Variants in CLCA4 observed in about 807,000 individuals in gnomAD.
The protein encoded by CLCA4 is calcium-activated chloride channel regulator 4.
In CLCA4, 69 loss-of-function variants were observed where a neutral mutation model predicts 78.9. That is an observed-to-expected ratio of 0.87 (90% CI 0.72 to 1.07). The LOEUF (loss-of-function observed/expected upper bound fraction) is 1.07. Among genes scored for constraint, CLCA4 ranks in the 50% least tolerant of loss-of-function variants. The pLI is 0.00. For missense variants in CLCA4, 1,133 were observed against 1,095.8 expected, an observed-to-expected ratio of 1.03 and a Z score of -0.48; for synonymous variants, 362 against 375.8, an observed-to-expected ratio of 0.96 and a Z score of 0.42.
rs536540683 is a variant in CLCA4 at position 86,548,739 on chromosome 1, A to G, written c.159+1461A>G. Among the ~76,000 whole-genome samples, 10 of 151,888 alleles carry G rather than the reference A, an allele frequency of 6.6e-5. No homozygotes were observed. The East Asian group carries it at 1.7e-3, about 26-fold the overall frequency. On this transcript the variant is annotated intron_variant, in intron 1 of 13. Transcript: ENST00000370563. ...GATGTCTTCTGTTTGAATTATGGAGAAGAAAACAAAGTTAATAGTTAATAA... is the reference window on the plus strand; with the variant it reads ...GATGTCTTCTGTTTGAATTATGGAGGAGAAAACAAAGTTAATAGTTAATAA...
Position 86,566,002 on chromosome 1 carries a change from T to C in CLCA4, c.936T>C (p.Asp312=). The part of the protein sequence containing the change: ...ISQRIVCLVL[D]KSGSMGGKDR... ...AAAGAATTGTGTGCTTAGTTCTTGA[T>C]AAGTCTGGAAGCATGGGGGTAAGAT... The change falls in exon 6 of 14, where the codon GAT becomes GAC. Residue 312 remains aspartate, a synonymous_variant. Transcript: ENST00000370563. 1 of 1,612,678 alleles carries C rather than the reference T, an allele frequency of 6.2e-7. No individual in the cohort carries two copies. The highest frequency in any genetic ancestry group is 8.5e-7 in the Non-Finnish European group (1 of 1,178,966).
intron 1 of CLCA4, chr1:86,553,240 G>A (rs1649718520): frequency 1.0e-6 from 1 of 998,806 alleles, no homozygotes; most frequent in Non-Finnish European, 1.6e-6. Flanking sequence ...AAGAGGGACT[G>A]CCGCTGCAAG....
At chr1:86,574,419 C>A in intron 9 of CLCA4, 121 bp from the exon 10 acceptor site, 3 of 689,752 alleles carry the variant, frequency 4.3e-6, no homozygotes, top group Non-Finnish European at 7.4e-6. Flanking sequence ...AGAGAGATCA[C>A]AAGTCTAAGG....
At chr1:86,564,103 G>A (rs1392720832) in intron 4 of CLCA4, among the ~76,000 whole-genome samples, 1 of 152,088 alleles carries the variant, frequency 6.6e-6, no homozygotes, top group Admixed American at 6.6e-5. Flanking sequence ...CACAAACATG[G>A]TTAAGTAGTG....
Position 86,560,247 on chromosome 1 carries a change from A to G in CLCA4, c.337A>G (p.Arg113Gly). Reference protein sequence around the residue: ...VIVAPPTLPGRDEPYTKQFTE... With the variant: ...VIVAPPTLPGGDEPYTKQFTE... Reference sequence around the variant, plus strand: ...AGTTGCACCACCTACACTCCCAGGTAGAGATGAACCATACACCAAGCAGTT... The same window carrying G: ...AGTTGCACCACCTACACTCCCAGGTGGAGATGAACCATACACCAAGCAGTT... The change falls in exon 3 of 14, where the codon AGA (arginine) becomes GGA (glycine). Residue 113 changes from arginine to glycine, a missense_variant. By Grantham distance (125) the Arg-to-Gly change is moderately radical. Transcript: ENST00000370563. 1 of 1,614,008 alleles carries G rather than the reference A, an allele frequency of 6.2e-7. No individual in the cohort carries two copies. The highest frequency in any genetic ancestry group is 1.7e-5 in the Admixed American group (1 of 60,010).
At chr1:86,577,610 T>C (rs960356708) in intron 11 of CLCA4, among the ~76,000 whole-genome samples, 4 of 152,096 alleles carry the variant, frequency 2.6e-5, no homozygotes, top group Admixed American at 1.3e-4. Context: ...TAATATTCTG[T>C]ATATGAATTA....
intron 4 of CLCA4, 55 bp downstream of exon 4, chr1:86,563,824 T>C: frequency 1.0e-6 from 1 of 955,386 alleles, no homozygotes; most frequent in Non-Finnish European, 1.6e-6. Flanking sequence ...ATTCTTATTT[T>C]CCTACTTTGA....
intron 1 of CLCA4, chr1:86,553,016 G>T: frequency 1.6e-6 from 1 of 624,062 alleles, no homozygotes; most frequent in Non-Finnish European, 2.9e-6. Flanking sequence ...GAGGCAGGAC[G>T]TGCCCCCTCC....
chr1:86,563,693 C>T lies in CLCA4; in HGVS notation c.481C>T (p.Arg161Trp), dbSNP rs977989033. ...GTTTGTCCATGAGTGGGCTCACCTC[C>T]GGTGGGGAGTGTTTGATGAGTACAA... Reference protein sequence around the residue: ...KLFVHEWAHLRWGVFDEYNED... With the variant: ...KLFVHEWAHLWWGVFDEYNED... The change falls in exon 4 of 14, where the codon CGG (arginine) becomes TGG (tryptophan). Residue 161 changes from arginine (R) to tryptophan (W), a missense_variant. Arg to Trp is a moderately radical substitution (Grantham distance 101). Coordinates refer to ENST00000370563, the MANE Select transcript of CLCA4 (RefSeq NM_012128.4). The T allele has an allele frequency of 8.7e-6, 14 of 1,600,502 alleles. No homozygotes were observed. In the East Asian group the frequency reaches 9.0e-5, roughly 10 times the overall value.
intron 3 of CLCA4, 150 bp downstream of exon 3, chr1:86,560,508 C>T (rs1649985992): frequency 2.8e-6 from 2 of 723,498 alleles, no homozygotes; most frequent in South Asian, 2.1e-5. Context: ...AACAAGTGAC[C>T]TACTGTCTCT....
At chr1:86,561,228 T>C (rs1158606994) in intron 3 of CLCA4, among the ~76,000 whole-genome samples, 1 of 152,222 alleles carries the variant, frequency 6.6e-6, no homozygotes, top group African/African-American at 2.4e-5. Context: ...CACGTTTGTT[T>C]TCCTTGGCAC....
chr1:86,569,767 C>T (rs1460419414), intron 7 of CLCA4, among the ~76,000 whole-genome samples: 1 of 151,930 alleles, frequency 6.6e-6, no homozygotes, highest in Non-Finnish European at 1.5e-5. Flanking sequence ...TCTCCTCAGT[C>T]TCTGACACAA....
chr1:86,566,151 A>G, intron 6 of CLCA4, 131 bp downstream of exon 6: 1 of 596,016 alleles, frequency 1.7e-6, no homozygotes, highest in Non-Finnish European at 2.7e-6. Context: ...CATGATCATG[A>G]CTTCAAGATA....
chr1:86,579,404 A>G lies in CLCA4; in HGVS notation c.2173A>G (p.Thr725Ala). 1 of 1,613,306 alleles carries G rather than the reference A, an allele frequency of 6.2e-7. No individual in the cohort carries two copies. Among genetic ancestry groups the G allele is most frequent in the Admixed American group, 1.7e-5 (1 of 59,910 alleles). The change falls in exon 13 of 14, where the codon ACC becomes GCC. Residue 725 changes from threonine (T) to alanine (A), a missense_variant. Transcript: ENST00000370563. Reference sequence around the variant, plus strand: ...ACCTGAAATTGATGAGGATACTCAGACCACCTTGGAGGATTTCAGCCGAAC... The same window carrying G: ...ACCTGAAATTGATGAGGATACTCAGGCCACCTTGGAGGATTTCAGCCGAAC... The part of the protein sequence containing the change: ...PRPEIDEDTQ[T>A]TLEDFSRTAS...
intron 9 of CLCA4, 115 bp from the exon 10 acceptor site, chr1:86,574,425 T>A: frequency 1.4e-6 from 1 of 726,768 alleles, no homozygotes; most frequent in Non-Finnish European, 2.3e-6. Flanking sequence ...ATCACAAGTC[T>A]AAGGTGGTCT....
intron 11 of CLCA4, among the ~76,000 whole-genome samples, chr1:86,576,651 C>A (rs928952418): frequency 6.6e-6 from 1 of 152,006 alleles, no homozygotes; most frequent in East Asian, 1.9e-4. Flanking sequence ...GAGCTTGGGT[C>A]TCTGGCAGGA....
chr1:86,579,648 G>T, intron 13 of CLCA4, 61 bp downstream of exon 13: 1 of 1,149,458 alleles, frequency 8.7e-7, no homozygotes. Context: ...CAAAAACAGG[G>T]GTGTAAGGGT....
intron 6 of CLCA4, among the ~76,000 whole-genome samples, chr1:86,566,630 C>T (rs539368819): frequency 1.3e-5 from 2 of 152,066 alleles, no homozygotes; most frequent in South Asian, 4.1e-4. Flanking sequence ...AATTGAGCCA[C>T]AACAATGCAG....
Position 86,563,648 on chromosome 1 carries a change from T to C in CLCA4, c.449-13T>C. 1 of 1,415,724 alleles carries C rather than the reference T, an allele frequency of 7.1e-7. No homozygotes were observed. The highest frequency in any genetic ancestry group is 2.4e-5 in the East Asian group (1 of 42,138). The allele number at this position is 1,415,724 out of a possible 1,614,324, so 87.7% of individuals were successfully genotyped here. A position where few individuals can be genotyped will look rare whatever the true frequency, so the allele number is the denominator to read the frequency against. On this transcript the variant is annotated splice_polypyrimidine_tract_variant and intron_variant, in intron 3 of 13. Transcript: ENST00000370563. ...TTGGATTATGATCATGTATTTGAAATGCTTTCCCACAGGCAAACTGTTTGT... is the reference window on the plus strand; with the variant it reads ...TTGGATTATGATCATGTATTTGAAACGCTTTCCCACAGGCAAACTGTTTGT...
Sources: allele counts gnomAD v4.1 joint callset (sites outside exome capture counted in the v4.1 genomes callset), GRCh38; gene constraint gnomAD v4.1.1; transcripts MANE v1.5; gene names NCBI Gene and HGNC (gene_info 2026-07-23, HGNC 2026-07-21).